The following IRX6 variants were observed in gnomAD, a reference collection of about 807,000 sequenced individuals.
The protein encoded by IRX6 is iroquois-class homeodomain protein IRX-6.
A neutral mutation model predicts 47.7 loss-of-function variants in IRX6; 46 were observed. That is an observed-to-expected ratio of 0.96 (90% CI 0.76 to 1.23). IRX6 has a LOEUF of 1.23. IRX6 is among the 50% of genes most tolerant of loss of function. The pLI is 0.00. For missense variants in IRX6, 722 were observed against 588.0 expected (o/e 1.23, Z -2.36); for synonymous variants, 265 against 246.2 (o/e 1.08, Z -0.72).
chr16:55,326,702 G>C lies in IRX6; in HGVS notation c.303+109G>C, dbSNP rs1266752954. On this transcript the variant is annotated intron_variant, in intron 2 of 5. Coordinates refer to ENST00000290552, the MANE Select transcript of IRX6 (RefSeq NM_024335.3). ...CCGAGGAAAGGAAATGGTTAGGACTGTGTATAAGGAGGACAAAAAAATACA... is the reference window on the plus strand; with the variant it reads ...CCGAGGAAAGGAAATGGTTAGGACTCTGTATAAGGAGGACAAAAAAATACA... 3.3e-6 allele frequency: 4 copies of C among 1,229,770 alleles called. No individual in the cohort carries two copies. The African/African-American group carries it at 4.6e-5, about 14-fold the overall frequency. 76.2% of individuals were successfully genotyped at this position (1,229,770 alleles called of 1,614,324 possible). A position where few individuals can be genotyped will look rare whatever the true frequency, so the allele number is the denominator to read the frequency against.
rs1960623009 is a variant in IRX6, at chr16:55,330,509, G to A, written c.*204G>A. On this transcript the variant is annotated 3_prime_UTR_variant, in exon 6 of 6. Transcript: ENST00000290552. ...CGACTTGAACCTTAGCAGTCCCCAC[G>A]GGAGATGGCAGGGCACCTTGGGGAA... The A allele has an allele frequency of 3.3e-6, 2 of 602,818 alleles. No individual in the cohort carries two copies. Among genetic ancestry groups the A allele is most frequent in the Admixed American group, 3.0e-5 (1 of 33,886 alleles). The allele number at this position is 602,818 out of a possible 1,614,324, so 37.3% of individuals were successfully genotyped here.
intron 4 of IRX6, among the ~76,000 whole-genome samples, chr16:55,328,247 C>T (rs1244060863): frequency 1.3e-5 from 2 of 152,186 alleles, no homozygotes; most frequent in African/African-American, 4.8e-5. Flanking sequence ...AATGGCAGCT[C>T]CACCAGAAGC....
intron 5 of IRX6, 121 bp downstream of exon 5, chr16:55,329,432 G>C (rs1266842922): frequency 7.0e-6 from 9 of 1,293,068 alleles, no homozygotes; most frequent in Admixed American, 2.7e-5. Context: ...GAACTGACGG[G>C]AGATTGCTTT....
chr16:55,329,887 C>T (rs1960612655), intron 5 of IRX6, among the ~76,000 whole-genome samples: 1 of 152,188 alleles, frequency 6.6e-6, no homozygotes, highest in Non-Finnish European at 1.5e-5. Flanking sequence ...CAGCTTCAGG[C>T]CCCAGATTGG....
Position 55,327,908 on chromosome 16 carries a change from C to T in IRX6, c.721+15C>T, listed in dbSNP as rs1317675912. 4.4e-6 allele frequency: 7 copies of T among 1,573,916 alleles called. No homozygotes were observed. The Admixed American group carries it at 5.4e-5, about 12-fold the overall frequency. On this transcript the variant is annotated intron_variant, in intron 4 of 5. Transcript: ENST00000290552. ...TGACACCAAAGGTACTGAAAACGTT[C>T]ACCACCCCACCTTAAGGGTTTTACA...
At position 55,327,593 on chromosome 16, in the gene IRX6, G is replaced by A. The variant is rs534912579; in HGVS notation, c.421G>A (p.Ala141Thr). 3.4e-5 allele frequency: 54 copies of A among 1,601,760 alleles called. 1 individual carries two copies. The Middle Eastern group carries it at 5.5e-4, about 16-fold the overall frequency. The change falls in exon 4 of 6, where the codon GCA (alanine) becomes ACA (threonine). Residue 141 changes from alanine to threonine, a missense_variant. By Grantham distance (58) the Ala-to-Thr change is moderately conservative. Coordinates refer to ENST00000290552, the MANE Select transcript of IRX6 (RefSeq NM_024335.3). ...LGQYQYERYG[A>T]VELSGAGRRK... Reference sequence around the variant, plus strand: ...CCAGGTTCTCCCCCACAGGTATGGCGCAGTGGAATTGAGTGGCGCCGGTCG... The same window carrying A: ...CCAGGTTCTCCCCCACAGGTATGGCACAGTGGAATTGAGTGGCGCCGGTCG...
Position 55,325,122 on chromosome 16 carries a change from C to G in IRX6, c.31C>G (p.Arg11Gly), listed in dbSNP as rs1473869622. 1 of 1,613,988 alleles carries G rather than the reference C, an allele frequency of 6.2e-7. No homozygotes were observed. The highest frequency in any genetic ancestry group is 2.2e-5 in the East Asian group (1 of 44,828). The change falls in exon 1 of 6, where the codon CGC becomes GGC. Residue 11 changes from arginine to glycine, a missense_variant. Arg to Gly is a moderately radical substitution (Grantham distance 125). Transcript: ENST00000290552. The part of the protein sequence containing the change: MSFPHFGHPY[R>G]GASQFLASAS... Reference sequence around the variant, plus strand: ...CTTCCCACACTTTGGACACCCGTACCGCGGCGCTTCCCAGGTAAGAGGCGC... The same window carrying G: ...CTTCCCACACTTTGGACACCCGTACGGCGGCGCTTCCCAGGTAAGAGGCGC...
Position 55,328,883 on chromosome 16 carries a change from G to A in IRX6, c.905G>A (p.Gly302Asp), listed in dbSNP as rs1960587804. The A allele has an allele frequency of 2.5e-6, 4 of 1,613,022 alleles. No individual in the cohort carries two copies. Among genetic ancestry groups the A allele is most frequent in the Non-Finnish European group, 2.5e-6 (3 of 1,179,966 alleles). ...LPGPCAAARE[G>D]RLERRECGLA... is the part of the protein sequence containing the mutation. Reference sequence around the variant, plus strand: ...GGGCCGTGCGCTGCAGCTCGAGAGGGCCGATTGGAGCGCAGGGAGTGCGGC... The same window carrying A: ...GGGCCGTGCGCTGCAGCTCGAGAGGACCGATTGGAGCGCAGGGAGTGCGGC... Residue 302 changes from glycine (G) to aspartate (D), a missense_variant, in exon 5 of 6, where the codon GGC becomes GAC. Transcript: ENST00000290552.
chr16:55,325,073 C>G lies in IRX6; in HGVS notation c.-19C>G, dbSNP rs539025561. 5.6e-6 allele frequency: 9 copies of G among 1,613,818 alleles called. No individual in the cohort carries two copies. In the South Asian group the frequency reaches 8.8e-5, roughly 16 times the overall value. On this transcript the variant is annotated 5_prime_UTR_variant, in exon 1 of 6. Transcript: ENST00000290552. Reference sequence around the variant, plus strand: ...GGGAACTCGACAGGGAAGAGAGAGACGGGCCAGGGACAGCCACCATGTCCT... The same window carrying G: ...GGGAACTCGACAGGGAAGAGAGAGAGGGGCCAGGGACAGCCACCATGTCCT...
rs773067386 is a variant in IRX6 at position 55,329,061 on chromosome 16, C to A, written c.1083C>A (p.Ser361Arg). Residue 361 changes from serine (S) to arginine (R), a missense_variant, in exon 5 of 6, where the codon AGC (serine) becomes AGA (arginine). Ser to Arg is a moderately radical substitution (Grantham distance 110, BLOSUM62 -1). Transcript: ENST00000290552. The stretch of plus-strand genomic sequence containing the variant: ...CTCTGGCGCACACCGCGACAGCCAG[C>A]GCTGTTGAAGGTGCACCCCCAGCCC... ...IWSLAHTATA[S>R]AVEGAPPARP... The A allele has an allele frequency of 1.2e-6, 2 of 1,614,076 alleles. No homozygotes were observed. Among genetic ancestry groups the A allele is most frequent in the East Asian group, 2.2e-5 (1 of 44,878 alleles).
rs1960619620 is a variant in IRX6 at position 55,330,323 on chromosome 16, G to C, written c.*18G>C. ...CAGGTTAGCGCAATGGCTGCGATTT[G>C]CGAAAGAATCTTGGAAATGGGCCCC... On this transcript the variant is annotated 3_prime_UTR_variant, in exon 6 of 6. Coordinates refer to ENST00000290552, the MANE Select transcript of IRX6 (RefSeq NM_024335.3). 6.2e-7 allele frequency: 1 copy of C among 1,613,260 alleles called. No individual in the cohort carries two copies. The highest frequency in any genetic ancestry group is 1.1e-5 in the South Asian group (1 of 91,076).
At chr16:55,325,384 G>A (rs1262393316) in intron 1 of IRX6, among the ~76,000 whole-genome samples, 1 of 151,458 alleles carries the variant, frequency 6.6e-6, no homozygotes, top group Admixed American at 6.6e-5. Context: ...TCAGTGAGGT[G>A]GGTGGGATCA....
intron 1 of IRX6, 123 bp downstream of exon 1, chr16:55,325,259 G>C (rs1960489892): frequency 3.4e-6 from 3 of 889,836 alleles, no homozygotes; most frequent in Admixed American, 2.1e-5. Context: ...GCAAGGACCA[G>C]GGTAATGTGT....
chr16:55,325,547 G>A (rs1416982647), intron 1 of IRX6, among the ~76,000 whole-genome samples: 6,284 of 72,222 alleles, frequency 0.087, 2,582 homozygotes, highest in African/African-American at 0.11. Context: ...GAGAGAGAGA[G>A]AGAGAGAGAG....
At position 55,327,784 on chromosome 16, in the gene IRX6, C is replaced by G. The variant is rs767806261; in HGVS notation, c.612C>G (p.Leu204=). The G allele has an allele frequency of 6.2e-7, 1 of 1,612,610 alleles. No homozygotes were observed. Among genetic ancestry groups the G allele is most frequent in the Admixed American group, 1.7e-5 (1 of 60,002 alleles). The change falls in exon 4 of 6, where the codon CTC becomes CTG. Residue 204 remains leucine, a synonymous_variant. Transcript: ENST00000290552. ...GGTTCGCCAACGCACGCCGGCGCCT[C>G]AAGAAAGAGAACAAAATGACATGGG... The part of the protein sequence containing the change: ...STWFANARRR[L]KKENKMTWAP...
At position 55,327,809 on chromosome 16, in the gene IRX6, G is replaced by A. The variant is rs765592851; in HGVS notation, c.637G>A (p.Ala213Thr). The A allele has an allele frequency of 2.5e-6, 4 of 1,612,886 alleles. No individual in the cohort carries two copies. Among genetic ancestry groups the A allele is most frequent in the South Asian group, 1.1e-5 (1 of 91,034 alleles). ...RLKKENKMTW[A>T]PKNKGGEERK... is the part of the protein sequence containing the mutation. Reference sequence around the variant, plus strand: ...CAAGAAAGAGAACAAAATGACATGGGCGCCCAAGAACAAAGGTGGGGAGGA... The same window carrying A: ...CAAGAAAGAGAACAAAATGACATGGACGCCCAAGAACAAAGGTGGGGAGGA... The change falls in exon 4 of 6, where the codon GCG (alanine) becomes ACG (threonine). Residue 213 changes from alanine to threonine, a missense_variant. By Grantham distance (58) the Ala-to-Thr change is moderately conservative. Transcript: ENST00000290552.
At chr16:55,325,653 T>C (rs1355484979) in intron 1 of IRX6, 1 of 153,138 alleles carries the variant, frequency 6.5e-6, no homozygotes, top group Non-Finnish European at 1.4e-5. Context: ...CATCTCACCA[T>C]ATTGTTGTTG....
At position 55,325,116 on chromosome 16, in the gene IRX6, C is replaced by T. The variant is rs1487947840; in HGVS notation, c.25C>T (p.Pro9Ser). The T allele has an allele frequency of 5.0e-6, 8 of 1,613,878 alleles. No individual in the cohort carries two copies. The highest frequency in any genetic ancestry group is 5.1e-6 in the Non-Finnish European group (6 of 1,180,020). The change falls in exon 1 of 6, where the codon CCG (proline) becomes TCG (serine). Residue 9 changes from proline (P) to serine (S), a missense_variant. Transcript: ENST00000290552. MSFPHFGH[P>S]YRGASQFLAS... ...CATGTCCTTCCCACACTTTGGACAC[C>T]CGTACCGCGGCGCTTCCCAGGTAAG...
intron 2 of IRX6, 87 bp downstream of exon 2, chr16:55,326,680 A>G (rs550018341): frequency 1.5e-6 from 2 of 1,376,082 alleles, no homozygotes; most frequent in Admixed American, 5.7e-5. Context: ...ACACCTCCCG[A>G]GGAAAGGAAA....
Sources: allele counts gnomAD v4.1 joint callset (sites outside exome capture counted in the v4.1 genomes callset), GRCh38; gene constraint gnomAD v4.1.1; transcripts MANE v1.5; gene names NCBI Gene and HGNC (gene_info 2026-07-23, HGNC 2026-07-21).